The following HS3ST1 variants were observed in gnomAD, a reference collection of about 807,000 sequenced individuals.
HS3ST1 encodes the protein heparan sulfate-glucosamine 3-sulfotransferase 1.
Under a neutral mutation model 20.7 loss-of-function variants are expected in HS3ST1, and 8 were observed. The observed-to-expected ratio is 0.39, with a 90% CI of 0.23 to 0.70. HS3ST1 has a LOEUF of 0.70. HS3ST1 is among the 30% of genes least tolerant of loss of function. The pLI is 0.46. For missense variants in HS3ST1, 436 were observed against 423.4 expected (o/e 1.03, Z -0.26); for synonymous variants, 205 against 190.4 (o/e 1.08, Z -0.63).
chr4:11,399,996 G>A lies in HS3ST1; in HGVS notation c.10C>T (p.Leu4=), dbSNP rs747855410. MAA[L]LLGAVLLVAQ... ...ACCAGCAGCACCGCGCCCAGGAGCA[G>A]CGCGGCCATGCTGGACACCACGGTG... The change falls in exon 2 of 2, where the codon CTG becomes TTG. Residue 4 remains leucine (L), a synonymous_variant. Coordinates refer to ENST00000002596, the MANE Select transcript of HS3ST1 (RefSeq NM_005114.4). This position sits in a 1 kb window ranked among gnomAD's most constrained non-coding sequence, Gnocchi z 5.1. 2.8e-4 allele frequency: 426 copies of A among 1,520,238 alleles called. 1 individual carries two copies. Among genetic ancestry groups the A allele is most frequent in the Non-Finnish European group, 2.7e-5 (31 of 1,137,482 alleles). The allele number at this position is 1,520,238 out of a possible 1,614,324, so 94.2% of individuals were successfully genotyped here. A position where few individuals can be genotyped will look rare whatever the true frequency, so the allele number is the denominator to read the frequency against.
At chr4:11,415,679 A>C (rs1718758406) in intron 1 of HS3ST1, among the ~76,000 whole-genome samples, 1 of 152,248 alleles carries the variant, frequency 6.6e-6, no homozygotes, top group Non-Finnish European at 1.5e-5. Flanking sequence ...GATGACAAAG[A>C]AAAAGCAGAA....
At chr4:11,407,182 G>T (rs2108883069) in intron 1 of HS3ST1, among the ~76,000 whole-genome samples, 1 of 152,314 alleles carries the variant, frequency 6.6e-6, no homozygotes, top group South Asian at 2.1e-4. Context: ...GGTAATTGCT[G>T]TGAGGTGGGA....
At chr4:11,415,654 A>T (rs1362098431) in intron 1 of HS3ST1, among the ~76,000 whole-genome samples, 2 of 152,242 alleles carry the variant, frequency 1.3e-5, no homozygotes, top group Non-Finnish European at 1.5e-5. Flanking sequence ...CTCTATTGAT[A>T]GCTGTGCAGA....
intron 1 of HS3ST1, among the ~76,000 whole-genome samples, chr4:11,405,218 C>G (rs895250394): frequency 3.3e-5 from 5 of 152,186 alleles, no homozygotes; most frequent in Non-Finnish European, 7.3e-5. Context: ...CCCAGCTACC[C>G]CTCCATTTAC....
intron 1 of HS3ST1, among the ~76,000 whole-genome samples, chr4:11,421,998 T>C (rs1263383708): frequency 6.6e-5 from 10 of 152,224 alleles, no homozygotes; most frequent in Non-Finnish European, 1.5e-4. Context: ...GTGGGTATTG[T>C]CACATTATGT....
intron 1 of HS3ST1, among the ~76,000 whole-genome samples, chr4:11,419,150 C>T (rs1194966593): frequency 6.6e-6 from 1 of 151,694 alleles, no homozygotes. Flanking sequence ...ATTCTCTTCC[C>T]TTCTCTCTCC....
At chr4:11,424,793 G>C (rs2108891414) in intron 1 of HS3ST1, among the ~76,000 whole-genome samples, 1 of 151,130 alleles carries the variant, frequency 6.6e-6, no homozygotes, top group Middle Eastern at 3.4e-3. Flanking sequence ...CCCCAGGTGG[G>C]ATCATTCAAC....
At position 11,397,783 on chromosome 4, in the gene HS3ST1, C is replaced by T. The variant is rs546325728; in HGVS notation, c.*1299G>A. 4.0e-4 allele frequency: 61 copies of T among 152,254 alleles called. No individual in the cohort carries two copies. The highest frequency in any genetic ancestry group is 1.3e-3 in the African/African-American group (56 of 41,544). The allele number at this position is 152,254 out of a possible 1,614,324, so 9.4% of individuals were successfully genotyped here. On this transcript the variant is annotated 3_prime_UTR_variant, in exon 2 of 2. Coordinates refer to ENST00000002596, the MANE Select transcript of HS3ST1 (RefSeq NM_005114.4). ...TCTGTCATTTTCCTGCGGTATAAAC[C>T]ATGTCAGGAAGCCGGTTTATTTTGC...
Position 11,393,786 on chromosome 4 carries a change from T to C in HS3ST1, c.*5296A>G, listed in dbSNP as rs1718067505. 1 of 152,228 alleles carries C rather than the reference T, an allele frequency of 6.6e-6. No homozygotes were observed. The highest frequency in any genetic ancestry group is 6.5e-5 in the Admixed American group (1 of 15,286). 9.4% of individuals were successfully genotyped at this position (152,228 alleles called of 1,614,324 possible). A position where few individuals can be genotyped will look rare whatever the true frequency, so the allele number is the denominator to read the frequency against. ...CCATGCCCCATCCCACATGGGTCAG[T>C]CAATCATTAGTCATGCCCTAACCCT... On this transcript the variant is annotated 3_prime_UTR_variant, in exon 2 of 2. Coordinates refer to ENST00000002596, the MANE Select transcript of HS3ST1 (RefSeq NM_005114.4).
At chr4:11,421,152 A>G (rs1379023734) in intron 1 of HS3ST1, among the ~76,000 whole-genome samples, 1 of 152,236 alleles carries the variant, frequency 6.6e-6, no homozygotes, top group African/African-American at 2.4e-5. Flanking sequence ...GCTAGGCACT[A>G]TATATTGGCC....
At chr4:11,415,458 CTCAA>C (rs1181223562) in intron 1 of HS3ST1, among the ~76,000 whole-genome samples, 3 of 152,134 alleles carry the variant, frequency 2.0e-5, no homozygotes, top group South Asian at 2.1e-4. Flanking sequence ...ATAGTATTCA[CTCAA>C]TCAATAATAG....
chr4:11,415,901 G>C (rs1718768956), intron 1 of HS3ST1, among the ~76,000 whole-genome samples: 1 of 152,212 alleles, frequency 6.6e-6, no homozygotes, highest in African/African-American at 2.4e-5. Flanking sequence ...ACAATGCAGA[G>C]AGAGTGCTTC....
At position 11,403,084 on chromosome 4, in the gene HS3ST1, AC is replaced by A. The variant is rs1199123062; in HGVS notation, c.-108-2972del. Reference sequence around the variant, plus strand: ...CTTATATACACATATGCAAGTATATACGCACACATATACATACACACATACT... The same window carrying A: ...CTTATATACACATATGCAAGTATATAGCACACATATACATACACACATACT... On this transcript the variant is annotated intron_variant, in intron 1 of 1. Transcript: ENST00000002596. Among the ~76,000 whole-genome samples, 4 of 152,376 alleles carry A rather than the reference AC, an allele frequency of 2.6e-5. No individual in the cohort carries two copies. The East Asian group carries it at 7.7e-4, about 29-fold the overall frequency.
At position 11,398,823 on chromosome 4, in the gene HS3ST1, T is replaced by G; in HGVS notation, c.*259A>C. ...GAAAAAATCTTTTTTTTTTTTTCAG[T>G]GAAATAGTTTAGTTCCTTCATATAG... On this transcript the variant is annotated 3_prime_UTR_variant, in exon 2 of 2. Coordinates refer to ENST00000002596, the MANE Select transcript of HS3ST1 (RefSeq NM_005114.4). The G allele has an allele frequency of 1.0e-5, 3 of 290,436 alleles. No individual in the cohort carries two copies. The highest frequency in any genetic ancestry group is 6.0e-5 in the East Asian group (1 of 16,684). 18.0% of individuals were successfully genotyped at this position (290,436 alleles called of 1,614,324 possible).
At chr4:11,422,069 C>G (rs1298717792) in intron 1 of HS3ST1, among the ~76,000 whole-genome samples, 1 of 152,216 alleles carries the variant, frequency 6.6e-6, no homozygotes. Context: ...ACAAGCAGAC[C>G]AGGATCTATT....
intron 1 of HS3ST1, among the ~76,000 whole-genome samples, chr4:11,404,172 G>C (rs1028235239): frequency 6.6e-6 from 1 of 152,094 alleles, no homozygotes. Flanking sequence ...AGCTTCCCAA[G>C]TAGCTGGGAC....
At chr4:11,426,731 C>T (rs906485437) in intron 1 of HS3ST1, among the ~76,000 whole-genome samples, 2 of 152,230 alleles carry the variant, frequency 1.3e-5, no homozygotes, top group Non-Finnish European at 2.9e-5. Flanking sequence ...GTTGTCCATC[C>T]CTGTCAAACT....
intron 1 of HS3ST1, among the ~76,000 whole-genome samples, chr4:11,426,361 AG>A (rs1037515569): frequency 1.8e-5 from 2 of 111,390 alleles, no homozygotes; most frequent in African/African-American, 8.7e-5. Context: ...TTCCCTTCAG[AG>A]GCCCCCCCCC....
intron 1 of HS3ST1, among the ~76,000 whole-genome samples, chr4:11,401,993 C>T (rs767165847): frequency 2.2e-4 from 34 of 152,276 alleles, no homozygotes; most frequent in Admixed American, 1.8e-3. Flanking sequence ...TTAAGGGAAG[C>T]GTAAGAGACA....
Sources: gnomAD v4.1 joint callset for allele counts (sites outside exome capture counted in the v4.1 genomes callset) on GRCh38, gnomAD v4.1.1 for gene constraint, Gnocchi (gnomAD v3.1) non-coding constraint, MANE v1.5 for transcripts, NCBI Gene and HGNC (gene_info 2026-07-23, HGNC 2026-07-21) for gene names.